GALNT13: variants seen among roughly 807,000 people sequenced by gnomAD.
The protein encoded by GALNT13 is UDP-GalNAc:polypeptide N-acetylgalactosaminyltransferase 13.
Under a neutral mutation model 64.2 loss-of-function variants are expected in GALNT13, and 28 were observed. That is an observed-to-expected ratio of 0.44 (90% CI 0.32 to 0.60). The LOEUF (loss-of-function observed/expected upper bound fraction) is 0.60. Ranked by LOEUF, GALNT13 falls within the 20% of genes least tolerant of loss-of-function variation. The probability of loss-of-function intolerance (pLI) is 0.05; values close to 1 mark genes in which losing one functional copy is unlikely to be tolerated. For missense variants in GALNT13, 577 were observed against 669.8 expected (o/e 0.86, Z 1.53); for synonymous variants, 214 against 224.6 (o/e 0.95, Z 0.42).
At chr2:153,458,638 C>T in the GALNT13 span, among the ~76,000 whole-genome samples, 1 of 152,112 alleles carries the variant, frequency 6.6e-6, no homozygotes, top group Non-Finnish European at 1.5e-5. Context: ...CGGACAGATT[C>T]TAGGCTTCAT....
At chr2:153,133,952 T>C in the GALNT13 span, among the ~76,000 whole-genome samples, 10 of 152,156 alleles carry the variant, frequency 6.6e-5, no homozygotes, top group African/African-American at 2.4e-4. Flanking sequence ...AATGTCTGGG[T>C]GTTTCAGTCA....
At chr2:153,435,666 T>A in the GALNT13 span, among the ~76,000 whole-genome samples, 1 of 152,220 alleles carries the variant, frequency 6.6e-6, no homozygotes, top group African/African-American at 2.4e-5. Context: ...TTGTGATTTT[T>A]GCACATTGAT....
the GALNT13 span, among the ~76,000 whole-genome samples, chr2:153,683,205 T>C: frequency 6.6e-6 from 1 of 151,818 alleles, no homozygotes; most frequent in Admixed American, 6.6e-5. Flanking sequence ...TCCACAGTTA[T>C]GTGAAATTTG....
At chr2:153,523,438 C>G in the GALNT13 span, among the ~76,000 whole-genome samples, 27 of 152,252 alleles carry the variant, frequency 1.8e-4, no homozygotes, top group Admixed American at 3.3e-4. Context: ...AATATTGAGT[C>G]TTTTGTTCAT....
chr2:153,259,681 G>A, the GALNT13 span, among the ~76,000 whole-genome samples: 15 of 152,196 alleles, frequency 9.9e-5, no homozygotes, highest in East Asian at 7.7e-4. Flanking sequence ...TGTAAGACTT[G>A]CCTTTGTTCT....
upstream of GALNT13, among the ~76,000 whole-genome samples, chr2:153,871,088 T>C (rs1685896002): frequency 6.6e-6 from 1 of 152,044 alleles, no homozygotes; most frequent in South Asian, 2.1e-4. Context: ...CCAGGCACTG[T>C]TCTAAAATCT....
the GALNT13 span, among the ~76,000 whole-genome samples, chr2:153,566,795 C>T: frequency 3.3e-5 from 5 of 151,152 alleles, no homozygotes; most frequent in Non-Finnish European, 7.4e-5. Flanking sequence ...TTCTACAGTG[C>T]CTCTACTTTC....
intron 1 of GALNT13, among the ~76,000 whole-genome samples, chr2:153,899,722 C>G (rs72863657): frequency 2.1e-4 from 32 of 151,784 alleles, no homozygotes. Flanking sequence ...AAAGCACAAC[C>G]TCTGTATTAT....
chr2:153,983,031 T>G (rs1317348807), intron 3 of GALNT13, among the ~76,000 whole-genome samples: 1 of 151,934 alleles, frequency 6.6e-6, no homozygotes. Flanking sequence ...AATTAGACAA[T>G]AATAACAATT....
the GALNT13 span, among the ~76,000 whole-genome samples, chr2:153,534,332 C>CTTAATATTAT: frequency 6.6e-6 from 1 of 151,856 alleles, no homozygotes; most frequent in Non-Finnish European, 1.5e-5. Flanking sequence ...ATTTTATAAT[C>CTTAATATTAT]CTATGATTAG....
chr2:153,856,496 T>C, the GALNT13 span, among the ~76,000 whole-genome samples: 131,753 of 151,788 alleles, frequency 0.87, 58,179 homozygotes, highest in Non-Finnish European at 0.94. Context: ...ACCAAAGAGA[T>C]TATCCAAATG....
At chr2:153,324,099 A>G in the GALNT13 span, among the ~76,000 whole-genome samples, 2 of 152,196 alleles carry the variant, frequency 1.3e-5, no homozygotes, top group Admixed American at 6.5e-5. Flanking sequence ...CATTTTCACA[A>G]TATTGATTCT....
chr2:153,445,720 C>G, the GALNT13 span, among the ~76,000 whole-genome samples: 1 of 152,088 alleles, frequency 6.6e-6, no homozygotes, highest in Non-Finnish European at 1.5e-5. Context: ...AAAATAATCT[C>G]TGTTTTCTCA....
At chr2:153,485,948 G>T in the GALNT13 span, among the ~76,000 whole-genome samples, 34 of 151,698 alleles carry the variant, frequency 2.2e-4, no homozygotes, top group East Asian at 7.8e-4. Flanking sequence ...TGTTTTTTTG[G>T]TTTTTTTTCC....
intron 8 of GALNT13, among the ~76,000 whole-genome samples, chr2:154,298,825 TAC>T (rs1559076398): frequency 1.2e-3 from 5 of 4,114 alleles, no homozygotes; most frequent in Non-Finnish European, 2.1e-3. Context: ...TATTTATATA[TAC>T]ATTATATATA....
chr2:153,082,659 AC>A, the GALNT13 span, among the ~76,000 whole-genome samples: 1 of 122,902 alleles, frequency 8.1e-6, no homozygotes, highest in Non-Finnish European at 1.7e-5. Flanking sequence ...ACACACACAC[AC>A]ACACATATAT....
chr2:153,189,560 T>A, the GALNT13 span, among the ~76,000 whole-genome samples: 2 of 152,278 alleles, frequency 1.3e-5, no homozygotes, highest in South Asian at 4.1e-4. Flanking sequence ...ATAATAAACA[T>A]AAGAGTGCAT....
At chr2:153,118,464 C>G in the GALNT13 span, among the ~76,000 whole-genome samples, 1 of 152,148 alleles carries the variant, frequency 6.6e-6, no homozygotes, top group South Asian at 2.1e-4. Flanking sequence ...GTTCTGTGCT[C>G]TTTTGGATCT....
At chr2:154,159,965 T>A (rs562590759) in intron 4 of GALNT13, among the ~76,000 whole-genome samples, 1 of 152,342 alleles carries the variant, frequency 6.6e-6, no homozygotes, top group South Asian at 2.1e-4. Flanking sequence ...GCTTAGAAAG[T>A]AAATTGCATT....
Sources: gnomAD v4.1 joint callset for allele counts (sites outside exome capture counted in the v4.1 genomes callset) on GRCh38, gnomAD v4.1.1 for gene constraint, MANE v1.5 for transcripts, NCBI Gene and HGNC (gene_info 2026-07-23, HGNC 2026-07-21) for gene names.